The following HMCN1 variants were observed in gnomAD, a reference collection of about 807,000 sequenced individuals.
The protein encoded by HMCN1 is hemicentin-1.
In HMCN1, 321 loss-of-function variants were observed where a neutral mutation model predicts 625.9. The observed-to-expected ratio is 0.51, with a 90% CI of 0.47 to 0.56. The LOEUF is 0.56. Among genes scored for constraint, HMCN1 ranks in the 20% least tolerant of loss-of-function variants. The probability of loss-of-function intolerance (pLI) is 0.00; values close to 1 mark genes in which losing one functional copy is unlikely to be tolerated. For missense variants in HMCN1, 6,588 were observed against 6,887.3 expected (o/e 0.96, Z 1.54); for synonymous variants, 2,425 against 2,417.6 (o/e 1.00, Z -0.09).
chr1:185,827,867 A>T lies in HMCN1; in HGVS notation c.269-18159A>T, dbSNP rs377151902. ...AGACTCCCTTGGGTGGCCAAGAAGA[A>T]TGTCTCTTGTAGGAGAAATAGATTA... On this transcript the variant is annotated intron_variant, in intron 1 of 106. Coordinates refer to ENST00000271588, the MANE Select transcript of HMCN1 (RefSeq NM_031935.3). Among the ~76,000 whole-genome samples the T allele has an allele frequency of 1.5e-4, 23 of 152,266 alleles. 1 individual carries two copies. The highest frequency in any genetic ancestry group is 5.3e-4 in the African/African-American group (22 of 41,574).
In HMCN1 at chr1:185,911,853, G is replaced by GT; in HGVS notation, c.900+80dup. On this transcript the variant is annotated intron_variant, in intron 6 of 106. Coordinates refer to ENST00000271588, the MANE Select transcript of HMCN1 (RefSeq NM_031935.3). Reference sequence around the variant, plus strand: ...CATTTTTCATGAAGTATACACAATGGTTTTTTTAAACATACACTCTTGCTA... The same window carrying GT: ...CATTTTTCATGAAGTATACACAATGGTTTTTTTTAAACATACACTCTTGCTA... The GT allele has an allele frequency of 4.4e-6, 5 of 1,139,422 alleles. No homozygotes were observed. In the South Asian group the frequency reaches 4.9e-5, roughly 11 times the overall value. The allele number at this position is 1,139,422 out of a possible 1,614,324, so 70.6% of individuals were successfully genotyped here.
At chr1:186,106,609 G>A (rs1193907768) in intron 69 of HMCN1, among the ~76,000 whole-genome samples, 1 of 152,036 alleles carries the variant, frequency 6.6e-6, no homozygotes, top group Non-Finnish European at 1.5e-5. Context: ...ATGGTTCTAG[G>A]TCCTATATAT....
intron 102 of HMCN1, 131 bp from the exon 103 acceptor site, chr1:186,174,383 T>C (rs1411391667): frequency 8.7e-6 from 9 of 1,029,378 alleles, no homozygotes; most frequent in Non-Finnish European, 1.3e-5. Flanking sequence ...TTCCAAGTTG[T>C]AAGCTGGTAT....
intron 11 of HMCN1, among the ~76,000 whole-genome samples, chr1:185,934,590 A>G (rs912071869): frequency 6.6e-6 from 1 of 152,190 alleles, no homozygotes; most frequent in Non-Finnish European, 1.5e-5. Context: ...ACCAGCAGGG[A>G]ATCTTAATGT....
At chr1:186,177,190 C>T (rs1275498084) in intron 103 of HMCN1, 1 of 152,340 alleles carries the variant, frequency 6.6e-6, no homozygotes, top group Non-Finnish European at 1.5e-5. Context: ...CCTGTAGTTC[C>T]AGCTACTTGG....
intron 1 of HMCN1, among the ~76,000 whole-genome samples, chr1:185,825,008 T>G (rs1014580866): frequency 2.0e-5 from 3 of 152,170 alleles, no homozygotes; most frequent in African/African-American, 4.8e-5. Context: ...ATGTACTCCT[T>G]AAGGAAAGAG....
intron 106 of HMCN1, 35 bp from the exon 107 acceptor site, chr1:186,189,477 T>C: frequency 6.2e-7 from 1 of 1,610,392 alleles, no homozygotes; most frequent in Non-Finnish European, 8.5e-7. Context: ...TACTTCCAGA[T>C]AACTATGTGT....
At chr1:186,060,670 A>T (rs1319533016) in intron 46 of HMCN1, among the ~76,000 whole-genome samples, 1 of 152,186 alleles carries the variant, frequency 6.6e-6, no homozygotes, top group Non-Finnish European at 1.5e-5. Flanking sequence ...ATAACATTTT[A>T]TATAATGTAG....
rs12122227 is a variant in HMCN1 at position 186,124,458 on chromosome 1, G to A, written c.12500-1146G>A. On this transcript the variant is annotated intron_variant, in intron 81 of 106. Coordinates refer to ENST00000271588, the MANE Select transcript of HMCN1 (RefSeq NM_031935.3). The stretch of plus-strand genomic sequence containing the variant: ...TACTAATGCTGCAAGTTTGTATCCC[G>A]TAACAAAAGACAAATAGCAACCCAA... 9.7e-4 allele frequency among the ~76,000 whole-genome samples: 148 copies of A among 151,872 alleles called. No individual in the cohort carries two copies. The South Asian group carries it at 0.013, about 14-fold the overall frequency.
rs1338468495 is a variant in HMCN1, at chr1:186,108,475, G to T, written c.10867G>T (p.Ala3623Ser). 1 of 1,613,968 alleles carries T rather than the reference G, an allele frequency of 6.2e-7. No homozygotes were observed. Among genetic ancestry groups the T allele is most frequent in the Non-Finnish European group, 8.5e-7 (1 of 1,179,992 alleles). ...LVRVHVPPNI[A>S]GTDEPRDITV... ...CTCACACCCAGTACCTCCTAATATT[G>T]CTGGAACTGATGAGCCCCGGGATAT... The change falls in exon 71 of 107, where the codon GCT becomes TCT. Residue 3623 changes from alanine to serine, a missense_variant. Coordinates refer to ENST00000271588, the MANE Select transcript of HMCN1 (RefSeq NM_031935.3).
At chr1:185,878,972 T>G (rs1184498150) in intron 4 of HMCN1, among the ~76,000 whole-genome samples, 1 of 152,236 alleles carries the variant, frequency 6.6e-6, no homozygotes, top group Non-Finnish European at 1.5e-5. Flanking sequence ...GGACATGTTC[T>G]TCTTTAATAC....
At chr1:186,135,225 C>T (rs1649524447) in intron 86 of HMCN1, among the ~76,000 whole-genome samples, 1 of 152,194 alleles carries the variant, frequency 6.6e-6, no homozygotes, top group African/African-American at 2.4e-5. Context: ...AAGGACTTTA[C>T]TTCAGCCATT....
Position 185,933,706 on chromosome 1 carries a change from C to G in HMCN1, c.1710C>G (p.Thr570=). The change falls in exon 11 of 107, where the codon ACC becomes ACG. Residue 570 remains threonine (T), a synonymous_variant. Coordinates refer to ENST00000271588, the MANE Select transcript of HMCN1 (RefSeq NM_031935.3). The part of the protein sequence containing the change: ...VRLAEPARIR[T]LANLSLELKS... ...TGGCAGAGCCAGCGAGAATTAGGAC[C>G]TTGGCTAATCTGTCATTGGAGCTAA... The G allele has an allele frequency of 6.2e-7, 1 of 1,613,988 alleles. No individual in the cohort carries two copies. The highest frequency in any genetic ancestry group is 1.3e-5 in the African/African-American group (1 of 75,028).
chr1:185,736,604 A>G (rs1653593126), intron 1 of HMCN1, among the ~76,000 whole-genome samples: 1 of 152,240 alleles, frequency 6.6e-6, no homozygotes, highest in South Asian at 2.1e-4. Flanking sequence ...ATTGCTGTAA[A>G]CAGAATACAA....
chr1:186,077,145 C>T (rs1048825466), intron 54 of HMCN1, among the ~76,000 whole-genome samples: 1 of 152,016 alleles, frequency 6.6e-6, no homozygotes, highest in Non-Finnish European at 1.5e-5. Context: ...CAGGGCTTAT[C>T]AAAATTCATC....
intron 11 of HMCN1, among the ~76,000 whole-genome samples, chr1:185,957,298 A>G (rs981746741): frequency 6.6e-6 from 1 of 152,234 alleles, no homozygotes; most frequent in Non-Finnish European, 1.5e-5. Context: ...TTTAGAAACA[A>G]AATGTGAGTG....
chr1:185,904,575 G>C (rs1338715093), intron 4 of HMCN1, among the ~76,000 whole-genome samples: 2 of 151,640 alleles, frequency 1.3e-5, no homozygotes, highest in African/African-American at 4.8e-5. Flanking sequence ...CTTGAAAATT[G>C]TCATTTTTTT....
chr1:185,895,942 A>ATT (rs113480004), intron 4 of HMCN1, among the ~76,000 whole-genome samples: 9,095 of 146,464 alleles, frequency 0.062, 1,006 homozygotes, highest in African/African-American at 0.22. Context: ...TCATTTAATA[A>ATT]TTTTTTTTTT....
intron 1 of HMCN1, among the ~76,000 whole-genome samples, chr1:185,839,525 C>T (rs1201564056): frequency 1.3e-5 from 2 of 152,156 alleles, no homozygotes; most frequent in Non-Finnish European, 1.5e-5. Flanking sequence ...AAAATGTCAT[C>T]TTACATTTAG....
Sources: gnomAD v4.1 joint callset for allele counts (sites outside exome capture counted in the v4.1 genomes callset) on GRCh38, gnomAD v4.1.1 for gene constraint, MANE v1.5 for transcripts, NCBI Gene and HGNC (gene_info 2026-07-23, HGNC 2026-07-21) for gene names.